Variants in PEBP4 observed in about 807,000 individuals in gnomAD.
PEBP4 encodes phosphatidylethanolamine-binding protein 4.
In PEBP4, 22 loss-of-function variants were observed where a neutral mutation model predicts 23.9. The observed-to-expected ratio is 0.92, with a 90% confidence interval of 0.66 to 1.31. The LOEUF (loss-of-function observed/expected upper bound fraction) is 1.31, where lower values mean the gene tolerates loss of function less well. PEBP4 is among the 40% of genes most tolerant of loss of function. The pLI, the probability that PEBP4 is intolerant of heterozygous loss-of-function variation, is 0.00. For missense variants in PEBP4, 324 were observed against 281.7 expected (o/e 1.15, Z -1.07); for synonymous variants, 112 against 99.3 (o/e 1.13, Z -0.76).
At chr8:22,802,383 C>T (rs1204132509) in intron 4 of PEBP4, among the ~76,000 whole-genome samples, 9 of 152,200 alleles carry the variant, frequency 5.9e-5, no homozygotes, top group African/African-American at 1.7e-4. Context: ...GCCCCCAACA[C>T]GTCTCCTGCC....
At chr8:22,799,634 A>C (rs1211614575) in intron 4 of PEBP4, among the ~76,000 whole-genome samples, 1 of 152,244 alleles carries the variant, frequency 6.6e-6, no homozygotes, top group Admixed American at 6.5e-5. Flanking sequence ...TACATGTGCC[A>C]TGTTGGTGTG....
intron 4 of PEBP4, among the ~76,000 whole-genome samples, chr8:22,765,893 T>A: frequency 6.8e-6 from 1 of 148,004 alleles, no homozygotes; most frequent in African/African-American, 2.5e-5. Flanking sequence ...CACCTGTGGA[T>A]CACCACCATT....
At chr8:22,870,087 T>C (rs1807978987) in intron 3 of PEBP4, among the ~76,000 whole-genome samples, 1 of 152,206 alleles carries the variant, frequency 6.6e-6, no homozygotes, top group Non-Finnish European at 1.5e-5. Context: ...AACTTAGGTT[T>C]CAAGACACAA....
chr8:22,812,104 T>C (rs1014265643), intron 4 of PEBP4, among the ~76,000 whole-genome samples: 2 of 152,218 alleles, frequency 1.3e-5, no homozygotes, highest in Non-Finnish European at 2.9e-5. Flanking sequence ...CCTTTTTCCT[T>C]GTCTCCACTC....
intron 4 of PEBP4, among the ~76,000 whole-genome samples, chr8:22,747,785 G>A (rs1432735698): frequency 6.6e-6 from 1 of 152,188 alleles, no homozygotes; most frequent in East Asian, 1.9e-4. Flanking sequence ...CTGTTCCAAC[G>A]ATGGACTTCC....
chr8:22,745,306 A>G (rs1805089115), intron 4 of PEBP4, among the ~76,000 whole-genome samples: 1 of 152,132 alleles, frequency 6.6e-6, no homozygotes, highest in Non-Finnish European at 1.5e-5. Flanking sequence ...GAGTGGTGTG[A>G]TGAGTCACCA....
chr8:22,734,840 T>C (rs575215498), intron 4 of PEBP4, among the ~76,000 whole-genome samples: 1 of 152,202 alleles, frequency 6.6e-6, no homozygotes, highest in South Asian at 2.1e-4. Context: ...TGTGGGAGAA[T>C]GATTTGCTTC....
At chr8:22,907,458 G>A (rs1808840844) in intron 3 of PEBP4, among the ~76,000 whole-genome samples, 1 of 152,168 alleles carries the variant, frequency 6.6e-6, no homozygotes, top group Non-Finnish European at 1.5e-5. Context: ...GTTGCAGTGA[G>A]TCGAGATCGT....
chr8:22,859,599 A>G (rs570362218), intron 3 of PEBP4, among the ~76,000 whole-genome samples: 1 of 152,312 alleles, frequency 6.6e-6, no homozygotes, highest in East Asian at 1.9e-4. Context: ...ACGGCTGTCT[A>G]GTAGCCAAGA....
chr8:22,913,399 T>C (rs567159462), intron 3 of PEBP4, among the ~76,000 whole-genome samples: 1 of 152,174 alleles, frequency 6.6e-6, no homozygotes, highest in African/African-American at 2.4e-5. Context: ...TCTTCTGCAA[T>C]GTCCGTGACA....
At chr8:22,819,314 A>C (rs903195001) in intron 3 of PEBP4, among the ~76,000 whole-genome samples, 5 of 152,236 alleles carry the variant, frequency 3.3e-5, no homozygotes, top group Non-Finnish European at 7.3e-5. Context: ...GTGATCAGCT[A>C]TATCAAATGC....
chr8:22,873,076 A>C (rs975789482), intron 3 of PEBP4, among the ~76,000 whole-genome samples: 1 of 152,236 alleles, frequency 6.6e-6, no homozygotes, highest in Non-Finnish European at 1.5e-5. Flanking sequence ...ATTACAGCCT[A>C]AACTGAGTAA....
intron 4 of PEBP4, among the ~76,000 whole-genome samples, chr8:22,816,687 C>A (rs1033807545): frequency 2.6e-5 from 4 of 152,204 alleles, no homozygotes; most frequent in Admixed American, 1.3e-4. Context: ...AAGGTCCAAA[C>A]CACATCCAAA....
rs567775845 is a variant in PEBP4 at position 22,899,713 on chromosome 8, G to A, written c.258+20471C>T. Among the ~76,000 whole-genome samples the A allele has an allele frequency of 9.2e-4, 140 of 152,278 alleles. 1 individual carries two copies. The highest frequency in any genetic ancestry group is 3.2e-3 in the African/African-American group (133 of 41,556). On this transcript the variant is annotated intron_variant, in intron 3 of 6. Transcript: ENST00000256404. ...GAGGAGGGTGCCAGGCATCTCATCT[G>A]CTCAATGCTAGAAAGGAAATTAAAA...
At chr8:22,900,395 T>A (rs1015742062) in intron 3 of PEBP4, among the ~76,000 whole-genome samples, 2 of 152,184 alleles carry the variant, frequency 1.3e-5, no homozygotes, top group African/African-American at 4.8e-5. Flanking sequence ...ACGCCTGTAA[T>A]CCCAGCACTT....
chr8:22,860,116 CA>C (rs61162189), intron 3 of PEBP4, among the ~76,000 whole-genome samples: 18,554 of 90,836 alleles, frequency 0.2, 1,372 homozygotes, highest in African/African-American at 0.32. Context: ...GACTCCGTCT[CA>C]AAAAAAAAAA....
upstream of PEBP4, among the ~76,000 whole-genome samples, chr8:22,932,188 G>A (rs1809467020): frequency 6.6e-6 from 1 of 152,192 alleles, no homozygotes; most frequent in African/African-American, 2.4e-5. Context: ...TCCAGAATAG[G>A]CAAATACACA....
At chr8:22,932,189 C>A (rs749984189), upstream of PEBP4, among the ~76,000 whole-genome samples, 1 of 152,116 alleles carries the variant, frequency 6.6e-6, no homozygotes, top group African/African-American at 2.4e-5. Flanking sequence ...CCAGAATAGG[C>A]AAATACACAG....
At chr8:22,900,368 C>T (rs1256218669) in intron 3 of PEBP4, among the ~76,000 whole-genome samples, 1 of 152,100 alleles carries the variant, frequency 6.6e-6, no homozygotes, top group Non-Finnish European at 1.5e-5. Flanking sequence ...ATTATCTTGA[C>T]CCGAGCGCAG....
Sources: gnomAD v4.1 joint callset for allele counts (sites outside exome capture counted in the v4.1 genomes callset) on GRCh38, gnomAD v4.1.1 for gene constraint, MANE v1.5 for transcripts, NCBI Gene and HGNC (gene_info 2026-07-23, HGNC 2026-07-21) for gene names.